The following A2ML1 variants were observed in gnomAD, a reference collection of about 807,000 sequenced individuals.
The protein encoded by A2ML1 is alpha-2-macroglobulin-like protein 1.
A neutral mutation model predicts 181.9 loss-of-function variants in A2ML1; 161 were observed. The observed-to-expected ratio is 0.89, with a 90% confidence interval of 0.78 to 1.01. The LOEUF (loss-of-function observed/expected upper bound fraction) is 1.01, where lower values mean the gene tolerates loss of function less well. A2ML1 is among the 50% of genes least tolerant of loss of function. The probability of loss-of-function intolerance (pLI) is 0.00; values close to 1 mark genes in which losing one functional copy is unlikely to be tolerated. For missense variants in A2ML1, 1,670 were observed against 1,768.1 expected (o/e 0.94, Z 1.00); for synonymous variants, 663 against 666.8 (o/e 0.99, Z 0.09).
intron 4 of A2ML1, among the ~76,000 whole-genome samples, chr12:8,833,550 C>T (rs1267784884): frequency 6.6e-6 from 1 of 151,974 alleles, no homozygotes; most frequent in East Asian, 1.9e-4. Context: ...GCATGTGCCA[C>T]CATGTCCGGC....
At position 8,834,696 on chromosome 12, in the gene A2ML1, T is replaced by G; in HGVS notation, c.483+14T>G. Reference sequence around the variant, plus strand: ...GTGGAACTACAGGTAAGCGGAAGTTTCTTTCTCTTCTCTGTCAGTTGTGGA... The same window carrying G: ...GTGGAACTACAGGTAAGCGGAAGTTGCTTTCTCTTCTCTGTCAGTTGTGGA... On this transcript the variant is annotated intron_variant, in intron 5 of 35. Transcript: ENST00000299698. 3 of 1,614,158 alleles carry G rather than the reference T, an allele frequency of 1.9e-6. No homozygotes were observed. Among genetic ancestry groups the G allele is most frequent in the Non-Finnish European group, 2.5e-6 (3 of 1,179,988 alleles).
At chr12:8,844,982 A>G (rs1261740214) in intron 12 of A2ML1, 1 of 1,362,106 alleles carries the variant, frequency 7.3e-7, no homozygotes, top group African/African-American at 1.5e-5. Context: ...TTAGAAGAGG[A>G]GATTTCTCCT....
intron 7 of A2ML1, among the ~76,000 whole-genome samples, chr12:8,885,515 T>A (rs1042902357): frequency 1.3e-5 from 2 of 152,150 alleles, no homozygotes; most frequent in Non-Finnish European, 2.9e-5. Flanking sequence ...TGGAGTACAG[T>A]GGTGCAATCT....
chr12:8,823,988 T>A (rs763746851), intron 3 of A2ML1, 106 bp downstream of exon 3: 25 of 1,341,470 alleles, frequency 1.9e-5, no homozygotes, highest in Admixed American at 2.6e-5. Flanking sequence ...AAAAAAGGAG[T>A]GCAGAGGAGA....
rs1291552632 is a variant in A2ML1 at position 8,846,883 on chromosome 12, A to G, written c.1683+661A>G. Among the ~76,000 whole-genome samples the G allele has an allele frequency of 3.3e-5, 5 of 151,736 alleles. No individual in the cohort carries two copies. In the East Asian group the frequency reaches 5.8e-4, roughly 18 times the overall value. On this transcript the variant is annotated intron_variant, in intron 14 of 35. Coordinates refer to ENST00000299698, the MANE Select transcript of A2ML1 (RefSeq NM_144670.6). ...TCCCAGCTAGTCGGAAGGCTGAAGC[A>G]GGTGTATCGCTTGAGCCCAGGAGTT...
In A2ML1 at chr12:8,854,768, T is replaced by C; in HGVS notation, c.2713-12T>C. ...TCTTTGTTGTTTTTATCTGTGTCTC[T>C]CTTCATCGCAGCCTGAGGGAGTCCT... On this transcript the variant is annotated splice_polypyrimidine_tract_variant and intron_variant, in intron 21 of 35. Coordinates refer to ENST00000299698, the MANE Select transcript of A2ML1 (RefSeq NM_144670.6). 1 of 1,614,148 alleles carries C rather than the reference T, an allele frequency of 6.2e-7. No individual in the cohort carries two copies. Among genetic ancestry groups the C allele is most frequent in the Non-Finnish European group, 8.5e-7 (1 of 1,180,020 alleles).
downstream of A2ML1, among the ~76,000 whole-genome samples, chr12:8,879,125 G>C (rs932558955): frequency 6.6e-6 from 1 of 152,086 alleles, no homozygotes. Context: ...GATGGGGGAA[G>C]ATATGCAAAG....
At chr12:8,839,363 C>T in intron 10 of A2ML1, 141 bp downstream of exon 10, 1 of 554,194 alleles carries the variant, frequency 1.8e-6, no homozygotes, top group Non-Finnish European at 3.2e-6. Context: ...TAGAATAATG[C>T]AATGAGGCAG....
intron 13 of A2ML1, among the ~76,000 whole-genome samples, chr12:8,845,874 T>G (rs1481159356): frequency 1.0e-5 from 1 of 97,826 alleles, no homozygotes; most frequent in African/African-American, 5.7e-5. Flanking sequence ...ATAAATAAAA[T>G]AAAATAAAAT....
At chr12:8,836,769 C>T (rs1237072023) in intron 7 of A2ML1, among the ~76,000 whole-genome samples, 1 of 152,126 alleles carries the variant, frequency 6.6e-6, no homozygotes, top group Non-Finnish European at 1.5e-5. Context: ...AGACGTGAGC[C>T]ACCGCGCCCA....
intron 7 of A2ML1, among the ~76,000 whole-genome samples, chr12:8,886,205 A>C (rs1944920402): frequency 6.6e-6 from 1 of 152,150 alleles, no homozygotes; most frequent in South Asian, 2.1e-4. Flanking sequence ...ATTTGGGAGG[A>C]TTGCTTTGGA....
rs778195607 is a variant in A2ML1, at chr12:8,854,785, G to A, written c.2718G>A (p.Glu906=). The A allele has an allele frequency of 4.3e-6, 7 of 1,613,872 alleles. No individual in the cohort carries two copies. The Middle Eastern group carries it at 8.3e-4, about 191-fold the overall frequency. The change falls in exon 22 of 36, where the codon GAG becomes GAA. Residue 906 remains glutamate, a synonymous_variant. Coordinates refer to ENST00000299698, the MANE Select transcript of A2ML1 (RefSeq NM_144670.6). ...TGTGTCTCTCTTCATCGCAGCCTGA[G>A]GGAGTCCTGGTGGAGAAGACACACA... ...TLIKPVLVKP[E]GVLVEKTHSS...
intron 5 of A2ML1, among the ~76,000 whole-genome samples, chr12:8,835,297 T>C (rs190599210): frequency 2.0e-5 from 3 of 152,278 alleles, no homozygotes; most frequent in Admixed American, 1.3e-4. Flanking sequence ...TCCTACCAAA[T>C]GGGGGCTGGA....
chr12:8,842,374 A>G lies in A2ML1; in HGVS notation c.1249-760A>G, dbSNP rs1230787719. On this transcript the variant is annotated intron_variant, in intron 11 of 35. Transcript: ENST00000299698. ...GCTGGGACTACAGGCGCCTGCCACC[A>G]CGCCCGGCTAATTTTTTGTATTTTT... is the stretch of plus-strand genomic sequence containing the variant. 6.2e-5 allele frequency among the ~76,000 whole-genome samples: 9 copies of G among 145,842 alleles called. No homozygotes were observed. The East Asian group carries it at 1.7e-3, about 28-fold the overall frequency.
intron 12 of A2ML1, chr12:8,845,226 C>A (rs1334236310): frequency 6.5e-7 from 1 of 1,533,222 alleles, no homozygotes; most frequent in Admixed American, 2.0e-5. Context: ...CTGCGTGGTT[C>A]TCAGCCAGAC....
In A2ML1 at chr12:8,851,850, T is replaced by C. The variant is rs1592136589; in HGVS notation, c.2301T>C (p.Ser767=). ...PDAITEWKAM[S]FCTSQSRGFG... The stretch of plus-strand genomic sequence containing the variant: ...CCATCACCGAGTGGAAGGCGATGAG[T>C]TTCTGCACTTCCCAGTCAAGAGGCT... Residue 767 remains serine, a synonymous_variant, in exon 19 of 36, where the codon AGT becomes AGC. Coordinates refer to ENST00000299698, the MANE Select transcript of A2ML1 (RefSeq NM_144670.6). 1 of 1,614,102 alleles carries C rather than the reference T, an allele frequency of 6.2e-7. No individual in the cohort carries two copies. Among genetic ancestry groups the C allele is most frequent in the Admixed American group, 1.7e-5 (1 of 60,014 alleles).
chr12:8,831,903 A>C (rs994789758), intron 4 of A2ML1, among the ~76,000 whole-genome samples: 24 of 151,910 alleles, frequency 1.6e-4, no homozygotes, highest in Admixed American at 1.3e-4. Flanking sequence ...GCATGCGCCA[A>C]CACGCCCGGC....
chr12:8,868,449 TGTGTGTAC>T (rs1299422474), intron 31 of A2ML1, 80 bp from the exon 32 acceptor site: 43 of 1,490,900 alleles, frequency 2.9e-5, no homozygotes, highest in African/African-American at 1.1e-4. Flanking sequence ...TGTGTATGTG[TGTGTGTAC>T]GTGTGTGTGT....
intron 4 of A2ML1, among the ~76,000 whole-genome samples, chr12:8,834,332 T>A (rs1186563838): frequency 2.0e-5 from 3 of 152,216 alleles, no homozygotes; most frequent in Non-Finnish European, 2.9e-5. Context: ...GTGCTAATAC[T>A]TCTTTTAGGG....
Sources: allele counts gnomAD v4.1 joint callset (sites outside exome capture counted in the v4.1 genomes callset), GRCh38; gene constraint gnomAD v4.1.1; transcripts MANE v1.5; gene names NCBI Gene and HGNC (gene_info 2026-07-23, HGNC 2026-07-21).